The following GPHN variants were observed in gnomAD, a reference collection of about 807,000 sequenced individuals.
GPHN encodes the protein gephyrin.
In GPHN, 17 loss-of-function variants were observed where a neutral mutation model predicts 95.5. The observed-to-expected ratio is 0.18, with a 90% CI of 0.12 to 0.27. The LOEUF is 0.27. GPHN is among the 10% of genes least tolerant of loss of function. The pLI is 1.00. For synonymous variants in GPHN, 320 were observed against 322.5 expected (o/e 0.99, Z 0.08); for missense variants, 660 against 978.1 (o/e 0.67, Z 4.34).
the GPHN span, among the ~76,000 whole-genome samples, chr14:67,694,423 G>A: frequency 2.0e-5 from 3 of 148,466 alleles, no homozygotes; most frequent in Non-Finnish European, 4.4e-5. Flanking sequence ...TGGGAATACA[G>A]CTCCTGGAAT....
intron 5 of GPHN, among the ~76,000 whole-genome samples, chr14:66,881,846 A>G (rs1322932922): frequency 1.3e-5 from 2 of 151,766 alleles, no homozygotes; most frequent in Admixed American, 6.6e-5. Flanking sequence ...GAAGGCTTTG[A>G]AAATTAATAC....
At chr14:67,275,288 C>G in the GPHN span, among the ~76,000 whole-genome samples, 1 of 152,128 alleles carries the variant, frequency 6.6e-6, no homozygotes, top group Non-Finnish European at 1.5e-5. Flanking sequence ...TTTTGAGATA[C>G]ATTCCATCAA....
the GPHN span, chr14:67,312,418 A>T: frequency 1.3e-6 from 1 of 783,898 alleles, no homozygotes; most frequent in East Asian, 3.1e-5. Flanking sequence ...TCTCTATTAA[A>T]TTTTTTTAAA....
chr14:67,723,327 G>A, the GPHN span, among the ~76,000 whole-genome samples: 1 of 152,154 alleles, frequency 6.6e-6, no homozygotes. Context: ...TTGAACTCTT[G>A]GGCTCAAGCA....
At chr14:67,276,231 C>T in the GPHN span, among the ~76,000 whole-genome samples, 14 of 152,216 alleles carry the variant, frequency 9.2e-5, no homozygotes, top group South Asian at 2.7e-3. Flanking sequence ...AGTGTGGCTT[C>T]CTGCTTGTCT....
At chr14:67,283,975 T>C in the GPHN span, among the ~76,000 whole-genome samples, 6 of 152,180 alleles carry the variant, frequency 3.9e-5, no homozygotes, top group African/African-American at 9.7e-5. Flanking sequence ...GAGTCAAAAC[T>C]GAGTTTAAAT....
intron 1 of GPHN, among the ~76,000 whole-genome samples, chr14:66,559,682 T>G (rs1437651141): frequency 3.3e-5 from 5 of 151,898 alleles, no homozygotes; most frequent in African/African-American, 4.8e-5. Context: ...TCTCCCATTT[T>G]GTAGGTTGCC....
intron 8 of GPHN, among the ~76,000 whole-genome samples, chr14:66,953,760 C>G (rs532774054): frequency 6.6e-6 from 1 of 152,166 alleles, no homozygotes; most frequent in African/African-American, 2.4e-5. Context: ...TAGCCTGACA[C>G]GGTGGCTCAC....
the GPHN span, among the ~76,000 whole-genome samples, chr14:67,360,965 G>C: frequency 6.6e-6 from 1 of 152,120 alleles, no homozygotes; most frequent in Admixed American, 6.5e-5. Context: ...AGCGGGGTCC[G>C]AGTAGTTTTT....
intron 1 of GPHN, among the ~76,000 whole-genome samples, chr14:66,526,888 C>T (rs569136091): frequency 2.0e-5 from 3 of 152,068 alleles, no homozygotes; most frequent in Non-Finnish European, 2.9e-5. Context: ...AATATTTTAT[C>T]GAGGATTTTT....
the GPHN span, among the ~76,000 whole-genome samples, chr14:67,532,911 C>G: frequency 6.6e-6 from 1 of 152,114 alleles, no homozygotes; most frequent in Non-Finnish European, 1.5e-5. Flanking sequence ...TGGGGTCAAG[C>G]AGATCCCCGG....
At chr14:66,800,984 G>A (rs2060328672) in intron 3 of GPHN, among the ~76,000 whole-genome samples, 3 of 152,068 alleles carry the variant, frequency 2.0e-5, no homozygotes, top group Admixed American at 1.3e-4. Context: ...GGACTTTGAT[G>A]CACTCTTTAG....
At chr14:67,278,996 T>TC in the GPHN span, 8 of 570,346 alleles carry the variant, frequency 1.4e-5, no homozygotes, top group Admixed American at 1.1e-4. Context: ...TACACTTTTT[T>TC]CCCCCCCATC....
rs1217637887 is a variant in GPHN, at chr14:66,508,375, G to A, written c.-153G>A. ...GCCTCTCCCCCACGCAGGCCACCGT[G>A]CACTCTGTGGCCTCCCCCTCCTTCC... On this transcript the variant is annotated 5_prime_UTR_variant, in exon 1 of 23. Transcript: ENST00000478722. 4.0e-6 allele frequency: 3 copies of A among 752,786 alleles called. No individual in the cohort carries two copies. 46.6% of individuals were successfully genotyped at this position (752,786 alleles called of 1,614,324 possible).
At chr14:67,575,201 TGGC>T in the GPHN span, among the ~76,000 whole-genome samples, 234 of 152,226 alleles carry the variant, frequency 1.5e-3, 1 homozygote, top group African/African-American at 4.5e-3. Context: ...TAGCCCATGA[TGGC>T]TGGGGTGCCA....
Position 66,897,352 on chromosome 14 carries a change from C to G in GPHN, c.389+17319C>G, listed in dbSNP as rs546659632. On this transcript the variant is annotated intron_variant, in intron 5 of 22. Transcript: ENST00000478722. ...TGATTTCCTTTCTTTTAGATATATACCCAGTAGTGCAATTGCTGGATCATA... is the reference window on the plus strand; with the variant it reads ...TGATTTCCTTTCTTTTAGATATATAGCCAGTAGTGCAATTGCTGGATCATA... Among the ~76,000 whole-genome samples the G allele has an allele frequency of 2.7e-4, 41 of 152,124 alleles. 1 individual carries two copies. The South Asian group carries it at 8.1e-3, about 30-fold the overall frequency.
At chr14:67,660,042 T>A in the GPHN span, 5 of 1,033,722 alleles carry the variant, frequency 4.8e-6, no homozygotes, top group Non-Finnish European at 7.0e-6. Context: ...TAAATAACCA[T>A]ATGCTCCATG....
At chr14:67,691,121 A>G in the GPHN span, 2 of 1,570,768 alleles carry the variant, frequency 1.3e-6, no homozygotes, top group African/African-American at 2.7e-5. Flanking sequence ...TAGCTTTGTG[A>G]TAAGGCCAGA....
At chr14:66,698,680 G>A (rs2068287514) in intron 2 of GPHN, among the ~76,000 whole-genome samples, 1 of 152,156 alleles carries the variant, frequency 6.6e-6, no homozygotes. Context: ...GCAGAGTTGA[G>A]TAGTTTCATA....
Sources: allele counts gnomAD v4.1 joint callset (sites outside exome capture counted in the v4.1 genomes callset), GRCh38; gene constraint gnomAD v4.1.1; transcripts MANE v1.5; gene names NCBI Gene and HGNC (gene_info 2026-07-23, HGNC 2026-07-21).